MTCL3: variants seen among roughly 807,000 people sequenced by gnomAD.
The protein encoded by MTCL3 is MTCL family member 3, also known as microtubule cross-linking factor 3.
chr6:127,483,687 A>T, the MTCL3 span, among the ~76,000 whole-genome samples: 5 of 152,232 alleles, frequency 3.3e-5, no homozygotes, highest in Admixed American at 2.0e-4. Flanking sequence ...ACACTTTGGA[A>T]GTCAAAGAAT....
At chr6:127,518,918 A>T in the MTCL3 span, 10 of 152,446 alleles carry the variant, frequency 6.6e-5, no homozygotes, top group African/African-American at 2.4e-4. Flanking sequence ...GGAAGTGCAG[A>T]GATGTTCATG....
At chr6:127,482,139 A>G in the MTCL3 span, among the ~76,000 whole-genome samples, 1 of 152,202 alleles carries the variant, frequency 6.6e-6, no homozygotes, top group Non-Finnish European at 1.5e-5. The surrounding 1 kb of genome is among the most constrained non-coding windows in gnomAD (Gnocchi z 4.1). Context: ...TGGAGTAGCC[A>G]TTCTTTTATT....
chr6:127,475,781 G>C, the MTCL3 span: 11 of 1,609,952 alleles, frequency 6.8e-6, no homozygotes, highest in African/African-American at 1.3e-5. This position sits in a 1 kb window ranked among gnomAD's most constrained non-coding sequence, Gnocchi z 7.3. Flanking sequence ...TCGCTGTCGC[G>C]GGGGCTGCCG....
the MTCL3 span, among the ~76,000 whole-genome samples, chr6:127,508,236 C>T: frequency 6.6e-6 from 1 of 152,106 alleles, no homozygotes; most frequent in African/African-American, 2.4e-5. Flanking sequence ...GGTAAACATT[C>T]CCTATTAGAA....
At chr6:127,507,173 C>A in the MTCL3 span, among the ~76,000 whole-genome samples, 4 of 152,122 alleles carry the variant, frequency 2.6e-5, no homozygotes, top group Admixed American at 2.6e-4. Flanking sequence ...TTGCATACAT[C>A]AAAATCAATA....
At chr6:127,476,214 T>C in the MTCL3 span, 3 of 1,614,132 alleles carry the variant, frequency 1.9e-6, no homozygotes, top group Non-Finnish European at 2.5e-6. This position sits in a 1 kb window ranked among gnomAD's most constrained non-coding sequence, Gnocchi z 4.4. Flanking sequence ...GTTCGACGAT[T>C]TTCCTGCCCA....
chr6:127,501,129 CATTTTTGATTTTGGCA>C, the MTCL3 span, among the ~76,000 whole-genome samples: 2 of 152,140 alleles, frequency 1.3e-5, no homozygotes, highest in African/African-American at 4.8e-5. Context: ...TTTTAAGTTT[CATTTTTGATTTTGGCA>C]ATTGGGAAAA....
At chr6:127,513,664 T>C in the MTCL3 span, among the ~76,000 whole-genome samples, 3 of 152,186 alleles carry the variant, frequency 2.0e-5, no homozygotes, top group African/African-American at 7.2e-5. Flanking sequence ...CTGGAAATTC[T>C]AGGGTTTGGA....
chr6:127,510,742 G>A, the MTCL3 span, among the ~76,000 whole-genome samples: 1 of 152,196 alleles, frequency 6.6e-6, no homozygotes, highest in African/African-American at 2.4e-5. Flanking sequence ...AGGGAATGGC[G>A]CCTATGAGAC....
the MTCL3 span, among the ~76,000 whole-genome samples, chr6:127,479,574 C>A: frequency 6.6e-6 from 1 of 152,082 alleles, no homozygotes; most frequent in Non-Finnish European, 1.5e-5. Context: ...TAACACTTCA[C>A]TGGGTTATAT....
the MTCL3 span, among the ~76,000 whole-genome samples, chr6:127,501,801 A>T: frequency 6.6e-6 from 1 of 152,226 alleles, no homozygotes; most frequent in South Asian, 2.1e-4. Flanking sequence ...TACCATCTGG[A>T]TAAAGATCAA....
chr6:127,512,753 A>AT, the MTCL3 span: 3 of 709,660 alleles, frequency 4.2e-6, no homozygotes, highest in South Asian at 2.3e-5. Context: ...GAAATCATGT[A>AT]TTTTTTACTA....
the MTCL3 span, among the ~76,000 whole-genome samples, chr6:127,503,841 T>A: frequency 0.06 from 9,148 of 152,236 alleles, 309 homozygotes; most frequent in African/African-American, 0.09. Context: ...CTAAGCACCA[T>A]GGAAAGAGCC....
the MTCL3 span, among the ~76,000 whole-genome samples, chr6:127,495,918 G>C: frequency 6.6e-6 from 1 of 152,052 alleles, no homozygotes; most frequent in East Asian, 1.9e-4. Context: ...GCAACGCTGG[G>C]TTAAATTGAA....
chr6:127,476,590 A>T, the MTCL3 span: 1 of 745,206 alleles, frequency 1.3e-6, no homozygotes, highest in Non-Finnish European at 2.1e-6. This position sits in a 1 kb window ranked among gnomAD's most constrained non-coding sequence, Gnocchi z 4.4. Flanking sequence ...TGACAGAGAG[A>T]AACAGAAGCA....
chr6:127,508,733 A>G, the MTCL3 span, among the ~76,000 whole-genome samples: 1 of 152,140 alleles, frequency 6.6e-6, no homozygotes, highest in Admixed American at 6.5e-5. Flanking sequence ...TCTTTGCTCA[A>G]ATGTCTCTTA....
chr6:127,485,869 A>G, the MTCL3 span, among the ~76,000 whole-genome samples: 1 of 152,212 alleles, frequency 6.6e-6, no homozygotes, highest in African/African-American at 2.4e-5. Flanking sequence ...GATCTGGGGA[A>G]TCAGAGAAAA....
chr6:127,475,995 GAGCTCCGCCGTGA>G, the MTCL3 span: 2 of 1,610,714 alleles, frequency 1.2e-6, no homozygotes, highest in Non-Finnish European at 1.7e-6. The surrounding 1 kb of genome is among the most constrained non-coding windows in gnomAD (Gnocchi z 7.3). Flanking sequence ...TGTACTTGTT[GAGCTCCGCCGTGA>G]TGCGCTTGTT....
the MTCL3 span, among the ~76,000 whole-genome samples, chr6:127,499,269 T>G: frequency 3.3e-5 from 5 of 152,204 alleles, no homozygotes; most frequent in Admixed American, 6.5e-5. Flanking sequence ...GATGAAGCTC[T>G]GAAGACTAGG....
Sources: allele counts gnomAD v4.1 joint callset (sites outside exome capture counted in the v4.1 genomes callset), GRCh38; gene constraint gnomAD v4.1.1; non-coding constraint Gnocchi (gnomAD v3.1); transcripts MANE v1.5; gene names NCBI Gene and HGNC (gene_info 2026-07-23, HGNC 2026-07-21).